Variants in SLC36A1 observed in about 807,000 individuals in gnomAD.
The protein encoded by SLC36A1 is proton-coupled amino acid transporter 1.
Under a neutral mutation model 47.5 loss-of-function variants are expected in SLC36A1, and 30 were observed. That is an observed-to-expected ratio of 0.63 (90% confidence interval 0.47 to 0.86). The LOEUF is 0.86. SLC36A1 is among the 40% of genes least tolerant of loss of function. The pLI, the probability that SLC36A1 is intolerant of heterozygous loss-of-function variation, is 0.00. For synonymous variants in SLC36A1, 255 were observed against 249.7 expected, an observed-to-expected ratio of 1.02 and a Z score of -0.20; for missense variants, 517 against 606.0, an observed-to-expected ratio of 0.85 and a Z score of 1.54.
chr5:151,549,459 G>T, the SLC36A1 span: 89 of 1,614,142 alleles, frequency 5.5e-5, no homozygotes, highest in South Asian at 9.4e-4. Context: ...CACATGAATG[G>T]TCACCCACAC....
the SLC36A1 span, chr5:151,347,399 A>G: frequency 2.5e-6 from 4 of 1,614,136 alleles, no homozygotes; most frequent in Admixed American, 1.7e-5. Flanking sequence ...AGGAGGCGAC[A>G]TAAGGTCCAA....
chr5:151,460,873 T>G (rs1755404390), intron 2 of SLC36A1, among the ~76,000 whole-genome samples: 1 of 150,558 alleles, frequency 6.6e-6, no homozygotes, highest in Non-Finnish European at 1.5e-5. Flanking sequence ...CTTCTACACC[T>G]ACTGCACATA....
chr5:151,545,837 C>G, the SLC36A1 span: 13 of 1,614,208 alleles, frequency 8.1e-6, no homozygotes, highest in Non-Finnish European at 1.1e-5. Context: ...ATTTGGCCCA[C>G]AAAAGTTGAC....
At chr5:151,482,404 C>A (rs536998853) in intron 10 of SLC36A1, among the ~76,000 whole-genome samples, 1 of 151,964 alleles carries the variant, frequency 6.6e-6, no homozygotes, top group African/African-American at 2.4e-5. Context: ...AGGTGCTTTG[C>A]GCTTGATTTT....
chr5:151,473,957 C>T (rs576363511), intron 8 of SLC36A1, among the ~76,000 whole-genome samples, 186 bp downstream of exon 8: 5 of 151,732 alleles, frequency 3.3e-5, no homozygotes, highest in South Asian at 2.1e-4. Context: ...GTCAGGAGTT[C>T]GAAACCAGCC....
the SLC36A1 span, chr5:151,381,875 C>T: frequency 6.8e-4 from 164 of 242,920 alleles, no homozygotes; most frequent in Non-Finnish European, 5.4e-4. Context: ...AGACTGGTCT[C>T]CCGCAAAGCC....
upstream of SLC36A1, among the ~76,000 whole-genome samples, chr5:151,432,196 A>G (rs1759391773): frequency 6.6e-6 from 1 of 152,232 alleles, no homozygotes; most frequent in Non-Finnish European, 1.5e-5. Flanking sequence ...CTTGGAAATT[A>G]TAAATATTAA....
chr5:151,442,456 AATT>A (rs1375409495), intron 1 of SLC36A1, among the ~76,000 whole-genome samples: 1 of 152,190 alleles, frequency 6.6e-6, no homozygotes, highest in Non-Finnish European at 1.5e-5. Context: ...ACATCAGGGT[AATT>A]AACATATCCA....
chr5:151,411,303 G>A, the SLC36A1 span, among the ~76,000 whole-genome samples: 1 of 144,534 alleles, frequency 6.9e-6, no homozygotes, highest in Non-Finnish European at 1.5e-5. Context: ...ATACCTACGG[G>A]ATGATCTGCT....
At chr5:151,347,494 A>G in the SLC36A1 span, 6 of 1,611,950 alleles carry the variant, frequency 3.7e-6, no homozygotes, top group Admixed American at 3.3e-5. Flanking sequence ...CGGGGTGACA[A>G]AGAGGTCTGC....
At chr5:151,515,905 C>T in the SLC36A1 span, among the ~76,000 whole-genome samples, 1 of 152,196 alleles carries the variant, frequency 6.6e-6, no homozygotes, top group African/African-American at 2.4e-5. Flanking sequence ...CCATTTTGCT[C>T]AGAATAAAAG....
chr5:151,427,567 G>C, the SLC36A1 span, among the ~76,000 whole-genome samples: 1 of 152,174 alleles, frequency 6.6e-6, no homozygotes, highest in East Asian at 1.9e-4. Context: ...GTTCAGAGGT[G>C]AGTTAAGTTG....
the SLC36A1 span, chr5:151,540,892 A>ATAC: frequency 1.3e-6 from 1 of 773,110 alleles, no homozygotes; most frequent in Admixed American, 3.0e-5. Flanking sequence ...TTCCTTAACT[A>ATAC]GGAACCCACG....
At chr5:151,527,458 C>CA in the SLC36A1 span, 81 of 1,363,554 alleles carry the variant, frequency 5.9e-5, no homozygotes, top group Non-Finnish European at 6.3e-5. Context: ...CTAATATTTT[C>CA]AAAAAAAATA....
At position 151,451,371 on chromosome 5, in the gene SLC36A1, G is replaced by A. The variant is rs1045390432; in HGVS notation, c.-6+3558G>A. On this transcript the variant is annotated intron_variant, in intron 1 of 10. Coordinates refer to ENST00000243389, the MANE Select transcript of SLC36A1 (RefSeq NM_078483.4). Reference sequence around the variant, plus strand: ...CTTGGCCCCAGGGCTAGTCCTTAATGACCATCTCTAGTAGGAAAAGCCACT... The same window carrying A: ...CTTGGCCCCAGGGCTAGTCCTTAATAACCATCTCTAGTAGGAAAAGCCACT... Among the ~76,000 whole-genome samples, 9 of 152,064 alleles carry A rather than the reference G, an allele frequency of 5.9e-5. No homozygotes were observed. The East Asian group carries it at 7.7e-4, about 13-fold the overall frequency.
rs538811400 is a variant in SLC36A1, at chr5:151,483,113, A to G, written c.1159+3624A>G. Among the ~76,000 whole-genome samples the G allele has an allele frequency of 9.2e-5, 14 of 152,330 alleles. No homozygotes were observed. In the South Asian group the frequency reaches 2.9e-3, roughly 32 times the overall value. ...GTTTTAACAGCTTTGATCATAATAAAATAGCAGCAAGAGCTCCCAGCACAG... is the reference window on the plus strand; with the variant it reads ...GTTTTAACAGCTTTGATCATAATAAGATAGCAGCAAGAGCTCCCAGCACAG... On this transcript the variant is annotated intron_variant, in intron 10 of 10. Coordinates refer to ENST00000243389, the MANE Select transcript of SLC36A1 (RefSeq NM_078483.4).
chr5:151,474,092 G>A (rs1196408734), intron 8 of SLC36A1, among the ~76,000 whole-genome samples: 1 of 147,732 alleles, frequency 6.8e-6, no homozygotes, highest in Non-Finnish European at 1.5e-5. Context: ...CTGGGGAGAC[G>A]GAGGTTGCAG....
Position 151,468,301 on chromosome 5 carries a change from T to TATA in SLC36A1, c.723+377_723+379dup, listed in dbSNP as rs1554113588. ...TATATATATATATATATATTTTATATATATATATTTACATATATGTGTATA... is the reference window on the plus strand; with the variant it reads ...TATATATATATATATATATTTTATATATAATATATATTTACATATATGTGTATA... On this transcript the variant is annotated intron_variant, in intron 7 of 10. Transcript: ENST00000243389. Among the ~76,000 whole-genome samples, 12 of 93,404 alleles carry TATA rather than the reference T, an allele frequency of 1.3e-4. 1 individual carries two copies. The highest frequency in any genetic ancestry group is 4.8e-4 in the African/African-American group (12 of 24,860). 61.3% of individuals were successfully genotyped at this position (93,404 alleles called of 152,430 possible). A position where few individuals can be genotyped will look rare whatever the true frequency, so the allele number is the denominator to read the frequency against.
chr5:151,476,316 CAGG>C (rs1290683981), intron 8 of SLC36A1, among the ~76,000 whole-genome samples: 1 of 152,230 alleles, frequency 6.6e-6, no homozygotes, highest in East Asian at 1.9e-4. Context: ...GATCCTGCAG[CAGG>C]AGGACAGAGC....
Sources: gnomAD v4.1 joint callset for allele counts (sites outside exome capture counted in the v4.1 genomes callset) on GRCh38, gnomAD v4.1.1 for gene constraint, MANE v1.5 for transcripts, NCBI Gene and HGNC (gene_info 2026-07-23, HGNC 2026-07-21) for gene names.